ZNF664: variants seen among roughly 807,000 people sequenced by gnomAD.
ZNF664 encodes the protein zinc finger protein 664.
Under a neutral mutation model 18.2 loss-of-function variants are expected in ZNF664, and 10 were observed. The ratio of observed to expected loss-of-function variants is 0.55; its 90% confidence interval spans 0.34 to 0.93. ZNF664 has a LOEUF of 0.93. Ranked by LOEUF, ZNF664 falls within the 40% of genes least tolerant of loss-of-function variation. The pLI, the probability that ZNF664 is intolerant of heterozygous loss-of-function variation, is 0.02. For missense variants in ZNF664, 193 were observed against 319.0 expected, an observed-to-expected ratio of 0.61 and a Z score of 3.01; for synonymous variants, 119 against 104.2, an observed-to-expected ratio of 1.14 and a Z score of -0.86.
chr12:124,002,302 G>A (rs1957021834), intron 3 of ZNF664, among the ~76,000 whole-genome samples: 2 of 152,216 alleles, frequency 1.3e-5, no homozygotes, highest in African/African-American at 4.8e-5. Context: ...TGCAGAGAGT[G>A]CAGGAGGTGA....
intron 3 of ZNF664, among the ~76,000 whole-genome samples, chr12:123,994,639 G>T (rs1463930532): frequency 6.6e-6 from 1 of 152,216 alleles, no homozygotes; most frequent in African/African-American, 2.4e-5. Flanking sequence ...AGGGATTTTA[G>T]TAGCCTTTTC....
At chr12:124,006,356 AG>A (rs1399295841) in intron 3 of ZNF664, 1 of 152,170 alleles carries the variant, frequency 6.6e-6, no homozygotes, top group Non-Finnish European at 1.5e-5. Flanking sequence ...CGCTAGAGTG[AG>A]GAACTTTTGG....
Position 124,013,430 on chromosome 12 carries a change from C to A in ZNF664, c.*500C>A, listed in dbSNP as rs1266670129. The A allele has an allele frequency of 5.7e-6, 1 of 175,244 alleles. No individual in the cohort carries two copies. Among genetic ancestry groups the A allele is most frequent in the East Asian group, 1.9e-4 (1 of 5,392 alleles). The allele number at this position is 175,244 out of a possible 1,614,324, so 10.9% of individuals were successfully genotyped here. On this transcript the variant is annotated 3_prime_UTR_variant, in exon 5 of 5. Transcript: ENST00000337815. ...TTGATTTAGCCCCTACATATCTTTC[C>A]ATATATCCTATTATTTCTGAATATA... is the stretch of plus-strand genomic sequence containing the variant.
chr12:124,008,953 A>G (rs576593395), intron 3 of ZNF664, among the ~76,000 whole-genome samples: 55 of 152,142 alleles, frequency 3.6e-4, no homozygotes, highest in Admixed American at 3.5e-3. Context: ...AAGGGGCTGT[A>G]GGTGTGCTCA....
At chr12:124,009,872 T>C (rs572427474) in intron 3 of ZNF664, among the ~76,000 whole-genome samples, 1 of 148,110 alleles carries the variant, frequency 6.8e-6, no homozygotes, top group Admixed American at 6.8e-5. Flanking sequence ...ATAGAACATA[T>C]ACTATTGTGT....
At position 124,011,548 on chromosome 12, in the gene ZNF664, G is replaced by A. The variant is rs1177141336; in HGVS notation, c.-597G>A. On this transcript the variant is annotated splice_region_variant and 5_prime_UTR_variant, in exon 5 of 5. Transcript: ENST00000337815. ...ATTTATTTATGTTTCTATTACAGGAGACGGCATGATACCCATGTAGGGAAT... is the reference window on the plus strand; with the variant it reads ...ATTTATTTATGTTTCTATTACAGGAAACGGCATGATACCCATGTAGGGAAT... The A allele has an allele frequency of 1.2e-5, 12 of 985,512 alleles. No homozygotes were observed. The highest frequency in any genetic ancestry group is 1.4e-5 in the Non-Finnish European group (12 of 829,936). The allele number at this position is 985,512 out of a possible 1,614,324, so 61.0% of individuals were successfully genotyped here.
At chr12:123,986,658 A>G (rs1956829194) in intron 2 of ZNF664, among the ~76,000 whole-genome samples, 1 of 152,166 alleles carries the variant, frequency 6.6e-6, no homozygotes, top group Non-Finnish European at 1.5e-5. Context: ...AAGCCACATC[A>G]TATGTCAGAG....
At chr12:123,990,233 A>G (rs879511269) in intron 3 of ZNF664, among the ~76,000 whole-genome samples, 9 of 152,370 alleles carry the variant, frequency 5.9e-5, no homozygotes, top group Middle Eastern at 3.4e-3. Context: ...ATGTAACACT[A>G]CTGAACTGTG....
At chr12:123,977,191 A>G (rs1212846740) in intron 2 of ZNF664, among the ~76,000 whole-genome samples, 1 of 152,222 alleles carries the variant, frequency 6.6e-6, no homozygotes, top group Non-Finnish European at 1.5e-5. Context: ...ATGTTAAACT[A>G]GTTGTCTATA....
chr12:123,998,158 C>T (rs112629908), intron 3 of ZNF664, among the ~76,000 whole-genome samples: 15 of 152,118 alleles, frequency 9.9e-5, no homozygotes, highest in Non-Finnish European at 1.9e-4. Context: ...CTAATACCCC[C>T]GGGAGCCTTT....
intron 3 of ZNF664, among the ~76,000 whole-genome samples, chr12:124,008,624 G>A (rs1243062039): frequency 6.6e-6 from 1 of 152,072 alleles, no homozygotes; most frequent in Non-Finnish European, 1.5e-5. Context: ...TAAAAAGTTG[G>A]GCCCCTAGTT....
chr12:123,990,926 A>AG (rs1167950689), intron 3 of ZNF664, among the ~76,000 whole-genome samples: 2 of 152,124 alleles, frequency 1.3e-5, no homozygotes, highest in Non-Finnish European at 2.9e-5. Context: ...CTTGTTCCTG[A>AG]GGAGGCATGA....
intron 3 of ZNF664, among the ~76,000 whole-genome samples, chr12:123,999,621 G>T (rs191884072): frequency 1.6e-4 from 24 of 152,318 alleles, no homozygotes; most frequent in Admixed American, 2.6e-4. Flanking sequence ...TTCAGATAAT[G>T]TATTCAAGAT....
chr12:124,011,700 A>T lies in ZNF664; in HGVS notation c.-445A>T. 1 of 1,007,112 alleles carries T rather than the reference A, an allele frequency of 9.9e-7. No homozygotes were observed. The highest frequency in any genetic ancestry group is 1.2e-6 in the Non-Finnish European group (1 of 846,474). 62.4% of individuals were successfully genotyped at this position (1,007,112 alleles called of 1,614,324 possible). On this transcript the variant is annotated 5_prime_UTR_variant, in exon 5 of 5. Coordinates refer to ENST00000337815, the MANE Select transcript of ZNF664 (RefSeq NM_152437.3). The stretch of plus-strand genomic sequence containing the variant: ...CAAGGGGCAACTGCAGGGGCTCGAG[A>T]CCAGCCAGCAGTATCTCATCCTTCG...
intron 2 of ZNF664, among the ~76,000 whole-genome samples, chr12:123,980,348 A>C (rs546410026): frequency 2.0e-5 from 3 of 152,222 alleles, no homozygotes; most frequent in African/African-American, 4.8e-5. Context: ...AAAAATATAC[A>C]GTGCCTAGTA....
At chr12:124,004,710 T>A (rs779118030) in intron 3 of ZNF664, among the ~76,000 whole-genome samples, 5 of 152,142 alleles carry the variant, frequency 3.3e-5, no homozygotes, top group Non-Finnish European at 7.3e-5. Flanking sequence ...TGCTCCCCAT[T>A]GCTTGCATTA....
In ZNF664 at chr12:123,973,279, G is replaced by A; in HGVS notation, c.-965G>A. 9.9e-7 allele frequency: 1 copy of A among 1,007,182 alleles called. No homozygotes were observed. The highest frequency in any genetic ancestry group is 1.2e-6 in the Non-Finnish European group (1 of 847,690). The allele number at this position is 1,007,182 out of a possible 1,614,324, so 62.4% of individuals were successfully genotyped here. A position where few individuals can be genotyped will look rare whatever the true frequency, so the allele number is the denominator to read the frequency against. ...GCGCGCGCGGCTCGGAGGCGCACCT[G>A]TGAGGTGTCCCTGAGGAGAGGGAGG... On this transcript the variant is annotated 5_prime_UTR_variant, in exon 1 of 5. The change creates a new upstream start codon in the 5' untranslated region. Coordinates refer to ENST00000337815, the MANE Select transcript of ZNF664 (RefSeq NM_152437.3).
At chr12:123,975,366 T>C (rs1478173317) in intron 2 of ZNF664, among the ~76,000 whole-genome samples, 2 of 151,984 alleles carry the variant, frequency 1.3e-5, no homozygotes, top group Admixed American at 6.6e-5. Flanking sequence ...ATTAGTCTTC[T>C]TAACAATATT....
chr12:123,997,372 A>G (rs1403271722), intron 3 of ZNF664, among the ~76,000 whole-genome samples: 1 of 152,188 alleles, frequency 6.6e-6, no homozygotes, highest in Non-Finnish European at 1.5e-5. Flanking sequence ...GCTTAAAACA[A>G]TAGAAATTTA....
Sources: gnomAD v4.1 joint callset for allele counts (sites outside exome capture counted in the v4.1 genomes callset) on GRCh38, gnomAD v4.1.1 for gene constraint, MANE v1.5 for transcripts, NCBI Gene and HGNC (gene_info 2026-07-23, HGNC 2026-07-21) for gene names.